TOPBP1: variants seen among roughly 807,000 people sequenced by gnomAD.
TOPBP1 encodes the protein DNA topoisomerase 2-binding protein 1.
TOPBP1 carries 28 observed loss-of-function variants against 167.7 expected under a neutral mutation model. That is an observed-to-expected ratio of 0.17 (90% CI 0.12 to 0.23). The LOEUF (loss-of-function observed/expected upper bound fraction) is 0.23, where lower values mean the gene tolerates loss of function less well. Among genes scored for constraint, TOPBP1 ranks in the 10% least tolerant of loss-of-function variants. The probability of loss-of-function intolerance (pLI) is 1.00; values close to 1 mark genes in which losing one functional copy is unlikely to be tolerated. For synonymous variants in TOPBP1, 598 were observed against 611.4 expected (o/e 0.98, Z 0.32); for missense variants, 1,554 against 1,809.6 (o/e 0.86, Z 2.56).
intron 27 of TOPBP1, among the ~76,000 whole-genome samples, chr3:133,605,260 A>G (rs1934451406): frequency 6.6e-6 from 1 of 151,810 alleles, no homozygotes; most frequent in Admixed American, 6.6e-5. Context: ...GGCATCTTAC[A>G]CAAACTCTTC....
chr3:133,644,459 T>G, intron 10 of TOPBP1, 96 bp from the exon 11 acceptor site: 1 of 1,170,082 alleles, frequency 8.5e-7, no homozygotes, highest in Non-Finnish European at 1.2e-6. Flanking sequence ...TCTGATAATT[T>G]TGACCATACT....
At chr3:133,608,820 T>G in intron 26 of TOPBP1, 53 bp downstream of exon 26, 1 of 1,578,186 alleles carries the variant, frequency 6.3e-7, no homozygotes, top group Non-Finnish European at 8.6e-7. Flanking sequence ...CATAGCAATC[T>G]TGGTTAGATG....
intron 1 of TOPBP1, 42 bp from the exon 2 acceptor site, chr3:133,661,176 TAGATAA>T: frequency 6.9e-7 from 1 of 1,456,340 alleles, no homozygotes; most frequent in Non-Finnish European, 9.2e-7. Flanking sequence ...AAAACCACAT[TAGATAA>T]AAAGTTGCAT....
At chr3:133,621,836 A>G (rs1338502242) in intron 19 of TOPBP1, among the ~76,000 whole-genome samples, 1 of 152,266 alleles carries the variant, frequency 6.6e-6, no homozygotes. Context: ...ATCTATTAAA[A>G]GACATCCATG....
At chr3:133,651,997 G>A (rs1471475561) in intron 8 of TOPBP1, among the ~76,000 whole-genome samples, 1 of 152,100 alleles carries the variant, frequency 6.6e-6, no homozygotes, top group Non-Finnish European at 1.5e-5. Context: ...TTAGCCAGGT[G>A]TAGTGGCACA....
chr3:133,644,200 C>T lies in TOPBP1; in HGVS notation c.1668G>A (p.Lys556=). ...TITEEGLFSQ[K]SFLVLGFSNE... ...TACTAAAACCCAAAACAAGGAAACT[C>T]TTTTGGCTAAATAAGCCTTCTTCAG... is the stretch of plus-strand genomic sequence containing the variant. Residue 556 remains lysine, a synonymous_variant, in exon 11 of 28, where the codon AAG becomes AAA. Coordinates refer to ENST00000260810, the MANE Select transcript of TOPBP1 (RefSeq NM_007027.4). The T allele has an allele frequency of 6.2e-7, 1 of 1,613,860 alleles. No homozygotes were observed. Among genetic ancestry groups the T allele is most frequent in the Non-Finnish European group, 8.5e-7 (1 of 1,179,846 alleles).
intron 14 of TOPBP1, among the ~76,000 whole-genome samples, chr3:133,637,225 C>T (rs1438327135): frequency 1.3e-5 from 2 of 151,980 alleles, no homozygotes; most frequent in African/African-American, 2.4e-5. Context: ...GTTTGAACAG[C>T]CACTTAAGAG....
At chr3:133,629,142 A>C (rs1281285017) in intron 14 of TOPBP1, among the ~76,000 whole-genome samples, 1 of 152,186 alleles carries the variant, frequency 6.6e-6, no homozygotes, top group African/African-American at 2.4e-5. Context: ...TTAGAAAGTC[A>C]AAATGAGCTG....
At chr3:133,616,206 G>A (rs1426170708) in intron 23 of TOPBP1, among the ~76,000 whole-genome samples, 3 of 149,074 alleles carry the variant, frequency 2.0e-5, no homozygotes, top group African/African-American at 7.4e-5. Flanking sequence ...TGCAACCTCC[G>A]CCTCCCAGGT....
In TOPBP1 at chr3:133,644,102, G is replaced by A; in HGVS notation, c.1766C>T (p.Thr589Ile). 6.2e-7 allele frequency: 1 copy of A among 1,613,938 alleles called. No homozygotes were observed. The highest frequency in any genetic ancestry group is 1.6e-4 in the Middle Eastern group (1 of 6,062). Residue 589 changes from threonine to isoleucine, a missense_variant, in exon 11 of 28, where the codon ACT (threonine) becomes ATT (isoleucine). Thr to Ile is a moderately conservative substitution (Grantham distance 89). This residue lies in a region of TOPBP1 where 1,197 missense variants were observed against 1,351.5 expected (regional missense o/e 0.89). Coordinates refer to ENST00000260810, the MANE Select transcript of TOPBP1 (RefSeq NM_007027.4). Reference protein sequence around the residue: ...AGKIMSLLSRTVADYAVVPLL... With the variant: ...AGKIMSLLSRIVADYAVVPLL... ...AGGAACCACAGCATAATCCGCAACA[G>A]TTCTGCTCAGAAGGGACATGATTTT...
intron 2 of TOPBP1, among the ~76,000 whole-genome samples, chr3:133,660,012 A>G (rs1393954992): frequency 1.3e-5 from 2 of 152,070 alleles, no homozygotes; most frequent in Non-Finnish European, 2.9e-5. Context: ...CTTTACCATT[A>G]TTCTCTAACG....
chr3:133,604,204 G>T (rs542817040), intron 27 of TOPBP1, among the ~76,000 whole-genome samples: 1 of 151,654 alleles, frequency 6.6e-6, no homozygotes. Context: ...GCGTGATCTC[G>T]TCTCACTGCA....
rs1174670765 is a variant in TOPBP1 at position 133,601,290 on chromosome 3, G to C, written c.4529C>G (p.Pro1510Arg). ...GTGLSQKRKA[P>R]TEKNKIKRPR... ...TCGTTTGATTTTATTTTTTTCTGTA[G>C]GAGCTTTCCTCTTTTGTGATAATCC... Residue 1510 changes from proline to arginine, a missense_variant, in exon 28 of 28, where the codon CCT (proline) becomes CGT (arginine). Physicochemically the swap from Pro to Arg is moderately radical, Grantham distance 103 (BLOSUM62 -2). Transcript: ENST00000260810. The C allele has an allele frequency of 6.2e-7, 1 of 1,606,322 alleles. No homozygotes were observed. Among genetic ancestry groups the C allele is most frequent in the Non-Finnish European group, 8.5e-7 (1 of 1,177,204 alleles).
In TOPBP1 at chr3:133,640,981, T is replaced by C. The variant is rs369659854; in HGVS notation, c.2022-811A>G. On this transcript the variant is annotated intron_variant, in intron 12 of 27. Coordinates refer to ENST00000260810, the MANE Select transcript of TOPBP1 (RefSeq NM_007027.4). Reference sequence around the variant, plus strand: ...GGGGCAGAAAAAGAAGTCTACGACTTGAGATTGAACAGAATTCCGTGATTT... The same window carrying C: ...GGGGCAGAAAAAGAAGTCTACGACTCGAGATTGAACAGAATTCCGTGATTT... Among the ~76,000 whole-genome samples the C allele has an allele frequency of 5.4e-4, 82 of 152,274 alleles. 1 individual carries two copies. Among genetic ancestry groups the C allele is most frequent in the Middle Eastern group, 3.4e-3 (1 of 294 alleles).
In TOPBP1 at chr3:133,628,761, G is replaced by A. The variant is rs1274631599; in HGVS notation, c.2521-28C>T. The A allele has an allele frequency of 2.0e-6, 3 of 1,538,336 alleles. No homozygotes were observed. In the South Asian group the frequency reaches 3.6e-5, roughly 19 times the overall value. Reference sequence around the variant, plus strand: ...ATACATATGAAGGAGAGAGAGAGATGGAGAAAAGAAGAGAGAGAGAGAGAA... The same window carrying A: ...ATACATATGAAGGAGAGAGAGAGATAGAGAAAAGAAGAGAGAGAGAGAGAA... On this transcript the variant is annotated intron_variant, in intron 14 of 27. Transcript: ENST00000260810.
rs1375123198 is a variant in TOPBP1 at position 133,638,135 on chromosome 3, T to A, written c.2261A>T (p.Asn754Ile). The A allele has an allele frequency of 6.2e-7, 1 of 1,613,756 alleles. No individual in the cohort carries two copies. The highest frequency in any genetic ancestry group is 1.7e-5 in the Admixed American group (1 of 59,998). The change falls in exon 14 of 28, where the codon AAT becomes ATT. Residue 754 changes from asparagine (N) to isoleucine (I), a missense_variant. Around this residue, in one of 3 missense-constraint regions of TOPBP1, gnomAD observed 1,197 missense variants for 1,351.5 expected, o/e 0.89. Coordinates refer to ENST00000260810, the MANE Select transcript of TOPBP1 (RefSeq NM_007027.4). ...EERSLETEIT[N>I]GINLNSDTAE... ...AGTATCTGAATTTAGATTGATTCCA[T>A]TTGTTATTTCTGTTTCCAAACTTCG...
chr3:133,656,825 G>A lies in TOPBP1; in HGVS notation c.396C>T (p.Gly132=), dbSNP rs1376227866. 6.9e-6 allele frequency: 11 copies of A among 1,597,866 alleles called. No individual in the cohort carries two copies. Among genetic ancestry groups the A allele is most frequent in the African/African-American group, 2.7e-5 (2 of 74,000 alleles). ...CATTAAGGTCTCTGTATACTCGTCC[G>A]CCCATCATTTGTACATATTTATGAA... The part of the protein sequence containing the change: ...EEVHKYVQMM[G]GRVYRDLNVS... Residue 132 remains glycine, a synonymous_variant, in exon 5 of 28, where the codon GGC becomes GGT. Coordinates refer to ENST00000260810, the MANE Select transcript of TOPBP1 (RefSeq NM_007027.4).
chr3:133,636,889 T>C (rs1301552728), intron 14 of TOPBP1, among the ~76,000 whole-genome samples: 1 of 152,198 alleles, frequency 6.6e-6, no homozygotes, highest in East Asian at 1.9e-4. Flanking sequence ...TTAATCACAG[T>C]ACAAAATGTT....
chr3:133,644,502 G>A (rs2107816279), intron 10 of TOPBP1, 139 bp from the exon 11 acceptor site: 1 of 818,584 alleles, frequency 1.2e-6, no homozygotes, highest in South Asian at 2.1e-5. Flanking sequence ...ATAATAAAGG[G>A]ATATGGATTC....
Sources: allele counts gnomAD v4.1 joint callset (sites outside exome capture counted in the v4.1 genomes callset), GRCh38; gene constraint gnomAD v4.1.1; regional missense constraint gnomAD v4.1.1; transcripts MANE v1.5; gene names NCBI Gene and HGNC (gene_info 2026-07-23, HGNC 2026-07-21).